The following LAMA3 variants were observed in gnomAD, a reference collection of about 807,000 sequenced individuals.
LAMA3 encodes laminin subunit alpha-3.
In LAMA3, 281 loss-of-function variants were observed where a neutral mutation model predicts 402.0. The observed-to-expected ratio is 0.70, with a 90% CI of 0.63 to 0.77. The LOEUF (loss-of-function observed/expected upper bound fraction) is 0.77, where lower values mean the gene tolerates loss of function less well. Among genes scored for constraint, LAMA3 ranks in the 30% least tolerant of loss-of-function variants. LAMA3 has a pLI of 0.00. For missense variants in LAMA3, 3,840 were observed against 4,215.5 expected (o/e 0.91, Z 2.47); for synonymous variants, 1,431 against 1,558.4 (o/e 0.92, Z 1.93).
At chr18:23,705,450 TAC>T (rs35025245) in intron 1 of LAMA3, among the ~76,000 whole-genome samples, 5,715 of 145,228 alleles carry the variant, frequency 0.039, 355 homozygotes, top group African/African-American at 0.13. Flanking sequence ...TATCATGACA[TAC>T]ACACACACAC....
intron 11 of LAMA3, among the ~76,000 whole-genome samples, chr18:23,782,180 A>T (rs2062450177): frequency 6.6e-6 from 1 of 152,190 alleles, no homozygotes; most frequent in Admixed American, 6.5e-5. Context: ...GGTAGGGTGG[A>T]CCCAGCTGAA....
At position 23,728,979 on chromosome 18, in the gene LAMA3, G is replaced by A. The variant is rs191014985; in HGVS notation, c.447+14907G>A. On this transcript the variant is annotated intron_variant, in intron 2 of 74. Transcript: ENST00000313654. ...CCGGGAGGCAGAGGTTGCAGTGAGCGGAGATCGTACCGCTGTACTCCAGCC... is the reference window on the plus strand; with the variant it reads ...CCGGGAGGCAGAGGTTGCAGTGAGCAGAGATCGTACCGCTGTACTCCAGCC... Among the ~76,000 whole-genome samples the A allele has an allele frequency of 8.4e-3, 1,263 of 149,708 alleles. 13 individuals are homozygous for A. The highest frequency in any genetic ancestry group is 0.064 in the South Asian group (299 of 4,694).
chr18:23,759,228 T>C (rs1271986333), intron 7 of LAMA3, among the ~76,000 whole-genome samples: 1 of 151,110 alleles, frequency 6.6e-6, no homozygotes. Context: ...TCCCAGCTAC[T>C]TGGGAGGTGG....
At chr18:23,713,877 A>C (rs1338450756) in intron 1 of LAMA3, 43 bp from the exon 2 acceptor site, 1 of 1,590,630 alleles carries the variant, frequency 6.3e-7, no homozygotes. Flanking sequence ...AAGTAAAAAA[A>C]TAAAAAACAA....
At chr18:23,876,663 T>A (rs546058834) in intron 39 of LAMA3, among the ~76,000 whole-genome samples, 68 of 152,342 alleles carry the variant, frequency 4.5e-4, no homozygotes, top group Admixed American at 3.9e-4. Flanking sequence ...CTCTCCTTCG[T>A]GAAATGATAG....
chr18:23,887,259 G>A (rs2065102028), intron 41 of LAMA3, among the ~76,000 whole-genome samples: 1 of 152,196 alleles, frequency 6.6e-6, no homozygotes, highest in East Asian at 1.9e-4. Context: ...ACTGGGCTAA[G>A]TTGAGCTGCA....
At chr18:23,803,892 T>C (rs2062912498) in intron 12 of LAMA3, among the ~76,000 whole-genome samples, 1 of 152,236 alleles carries the variant, frequency 6.6e-6, no homozygotes, top group Admixed American at 6.5e-5. Flanking sequence ...AGATGTGGAA[T>C]GTAGCAGGAG....
intron 2 of LAMA3, among the ~76,000 whole-genome samples, chr18:23,738,952 C>A (rs180732498): frequency 2.0e-5 from 3 of 152,278 alleles, no homozygotes; most frequent in African/African-American, 7.2e-5. Flanking sequence ...CTGTTCCCAG[C>A]AAGATTCATA....
chr18:23,723,982 C>T (rs1315150467), intron 2 of LAMA3, among the ~76,000 whole-genome samples: 1 of 152,078 alleles, frequency 6.6e-6, no homozygotes, highest in Non-Finnish European at 1.5e-5. Context: ...ACCCGTCACC[C>T]AAGCAGTATA....
intron 1 of LAMA3, among the ~76,000 whole-genome samples, chr18:23,690,881 T>G (rs928208958): frequency 1.9e-4 from 10 of 52,132 alleles, no homozygotes; most frequent in African/African-American, 4.1e-4. Flanking sequence ...AATTATTTAT[T>G]TATTTATTTA....
intron 62 of LAMA3, among the ~76,000 whole-genome samples, chr18:23,927,601 T>C (rs1318933198): frequency 2.0e-5 from 3 of 152,200 alleles, no homozygotes; most frequent in Non-Finnish European, 4.4e-5. Flanking sequence ...ACGTTTTTCA[T>C]AATTGAATAG....
Position 23,861,642 on chromosome 18 carries a change from C to G in LAMA3, c.4423-4C>G, listed in dbSNP as rs771333151. ...CCATCCCTTGCTTCTCTCCCTCTTTCCAGTTTGTGGATATGCTGGGCTGGC... is the reference window on the plus strand; with the variant it reads ...CCATCCCTTGCTTCTCTCCCTCTTTGCAGTTTGTGGATATGCTGGGCTGGC... On this transcript the variant is annotated splice_region_variant and splice_polypyrimidine_tract_variant and intron_variant, in intron 34 of 74. Coordinates refer to ENST00000313654, the MANE Select transcript of LAMA3 (RefSeq NM_198129.4). 2.5e-6 allele frequency: 4 copies of G among 1,614,234 alleles called. No homozygotes were observed. In the South Asian group the frequency reaches 3.3e-5, roughly 13 times the overall value.
chr18:23,861,708 C>T lies in LAMA3; in HGVS notation c.4485C>T (p.Phe1495=), dbSNP rs766387192. The T allele has an allele frequency of 6.2e-7, 1 of 1,614,184 alleles. No individual in the cohort carries two copies. Among genetic ancestry groups the T allele is most frequent in the Non-Finnish European group, 8.5e-7 (1 of 1,180,044 alleles). ...TADRVDIPVS[F]NPGSNSMVAD... Reference sequence around the variant, plus strand: ...ACAGAGTGGACATCCCTGTCTCTTTCAACCCAGGCAGCAACAGTATGGTGG... The same window carrying T: ...ACAGAGTGGACATCCCTGTCTCTTTTAACCCAGGCAGCAACAGTATGGTGG... Residue 1495 remains phenylalanine (F), a synonymous_variant, in exon 35 of 75, where the codon TTC becomes TTT. Transcript: ENST00000313654.
intron 10 of LAMA3, among the ~76,000 whole-genome samples, chr18:23,776,683 G>A (rs1339037008): frequency 6.6e-6 from 1 of 152,044 alleles, no homozygotes; most frequent in African/African-American, 2.4e-5. Flanking sequence ...ACATGAATGG[G>A]TAACTATATG....
At chr18:23,815,720 A>G in intron 17 of LAMA3, 147 bp downstream of exon 17, 1 of 698,862 alleles carries the variant, frequency 1.4e-6, no homozygotes, top group Non-Finnish European at 2.6e-6. Context: ...TTGGCCAAAC[A>G]TTGATTACAT....
At chr18:23,779,830 G>A (rs546285330) in intron 11 of LAMA3, among the ~76,000 whole-genome samples, 2 of 152,256 alleles carry the variant, frequency 1.3e-5, no homozygotes, top group African/African-American at 4.8e-5. Flanking sequence ...AGTTATAACA[G>A]GACCTCAGTT....
At chr18:23,702,407 T>C (rs2060806942) in intron 1 of LAMA3, among the ~76,000 whole-genome samples, 1 of 152,082 alleles carries the variant, frequency 6.6e-6, no homozygotes, top group African/African-American at 2.4e-5. Flanking sequence ...CATGGCTCAC[T>C]GCAGCCTCAA....
intron 29 of LAMA3, among the ~76,000 whole-genome samples, chr18:23,843,150 C>G (rs989178247): frequency 6.6e-6 from 1 of 152,140 alleles, no homozygotes; most frequent in African/African-American, 2.4e-5. Context: ...CGATTTGACA[C>G]CGAGCCCCTC....
intron 6 of LAMA3, among the ~76,000 whole-genome samples, chr18:23,755,659 A>G (rs1198996513): frequency 6.6e-6 from 1 of 152,230 alleles, no homozygotes. Context: ...AGGACCTCAA[A>G]TTTAATTCTG....
Sources: allele counts gnomAD v4.1 joint callset (sites outside exome capture counted in the v4.1 genomes callset), GRCh38; gene constraint gnomAD v4.1.1; transcripts MANE v1.5; gene names NCBI Gene and HGNC (gene_info 2026-07-23, HGNC 2026-07-21).